CNTNAP2: variants seen among roughly 807,000 people sequenced by gnomAD.
CNTNAP2 encodes contactin-associated protein-like 2.
Under a neutral mutation model 155.2 loss-of-function variants are expected in CNTNAP2, and 98 were observed. The ratio of observed to expected loss-of-function variants is 0.63; its 90% confidence interval spans 0.54 to 0.75. The LOEUF is 0.75. Ranked by LOEUF, CNTNAP2 falls within the 30% of genes least tolerant of loss-of-function variation. CNTNAP2 has a pLI of 0.00. For synonymous variants in CNTNAP2, 651 were observed against 631.2 expected (o/e 1.03, Z -0.47); for missense variants, 1,727 against 1,688.1 (o/e 1.02, Z -0.40).
intron 3 of CNTNAP2, among the ~76,000 whole-genome samples, chr7:146,989,872 G>T (rs1798178810): frequency 6.6e-6 from 1 of 151,674 alleles, no homozygotes; most frequent in South Asian, 2.1e-4. Context: ...TATAGGTGTT[G>T]TCACCCCAAT....
intron 17 of CNTNAP2, among the ~76,000 whole-genome samples, chr7:148,167,283 G>A (rs981747262): frequency 2.0e-5 from 3 of 152,088 alleles, no homozygotes; most frequent in South Asian, 2.1e-4. Context: ...GGGATTACAG[G>A]TGCATGCCAC....
At chr7:146,263,988 A>G (rs981143147) in intron 1 of CNTNAP2, among the ~76,000 whole-genome samples, 1 of 152,224 alleles carries the variant, frequency 6.6e-6, no homozygotes, top group Non-Finnish European at 1.5e-5. Context: ...TCTTTGACTT[A>G]AAGACTGTGT....
intron 1 of CNTNAP2, among the ~76,000 whole-genome samples, chr7:146,641,003 T>C (rs1799695767): frequency 6.6e-6 from 1 of 152,000 alleles, no homozygotes; most frequent in African/African-American, 2.4e-5. Flanking sequence ...AAATAAGGTA[T>C]AGCAGCCTTC....
chr7:147,947,431 A>G (rs1800839577), intron 14 of CNTNAP2, among the ~76,000 whole-genome samples: 1 of 139,998 alleles, frequency 7.1e-6, no homozygotes, highest in African/African-American at 2.6e-5. Context: ...CACCCTGGCC[A>G]ACATAGGGAG....
chr7:146,466,741 G>C (rs756570029), intron 1 of CNTNAP2, among the ~76,000 whole-genome samples: 1 of 152,164 alleles, frequency 6.6e-6, no homozygotes, highest in Non-Finnish European at 1.5e-5. Flanking sequence ...TCATTGAAAA[G>C]CCTGATTAGG....
intron 13 of CNTNAP2, among the ~76,000 whole-genome samples, chr7:147,749,949 T>C (rs1797107986): frequency 6.6e-6 from 1 of 152,260 alleles, no homozygotes; most frequent in African/African-American, 2.4e-5. Flanking sequence ...ATATTTGATA[T>C]TTATCAATGA....
intron 2 of CNTNAP2, among the ~76,000 whole-genome samples, chr7:146,834,086 T>G (rs1406928073): frequency 6.6e-6 from 1 of 152,136 alleles, no homozygotes; most frequent in Admixed American, 6.5e-5. Context: ...ATTGAATTTT[T>G]TTTTCACCTT....
chr7:147,485,583 A>C lies in CNTNAP2; in HGVS notation c.1671-352A>C, dbSNP rs1798495791. 3.9e-5 allele frequency among the ~76,000 whole-genome samples: 6 copies of C among 152,334 alleles called. No homozygotes were observed. The South Asian group carries it at 1.2e-3, about 32-fold the overall frequency. ...CAAAGAATAGAATAAAACAAGAAAT[A>C]AGACAGCTTATCTTCGATCTTTCAC... On this transcript the variant is annotated intron_variant, in intron 10 of 23. Transcript: ENST00000361727.
chr7:146,567,186 G>A (rs1360610494), intron 1 of CNTNAP2, among the ~76,000 whole-genome samples: 2 of 152,128 alleles, frequency 1.3e-5, no homozygotes, highest in Non-Finnish European at 2.9e-5. Context: ...TGATAAGAAT[G>A]TGTCAGGAAT....
rs551199993 is a variant in CNTNAP2 at position 147,041,548 on chromosome 7, T to C, written c.403-2359T>C. Among the ~76,000 whole-genome samples, 129 of 152,186 alleles carry C rather than the reference T, an allele frequency of 8.5e-4. 1 individual carries two copies. The highest frequency in any genetic ancestry group is 7.9e-3 in the South Asian group (38 of 4,822). Reference sequence around the variant, plus strand: ...TTTCAAACACCACTCTGTCCTTCTATGCAGCTGAGCTCTAACTCTGTAGAA... The same window carrying C: ...TTTCAAACACCACTCTGTCCTTCTACGCAGCTGAGCTCTAACTCTGTAGAA... On this transcript the variant is annotated intron_variant, in intron 3 of 23. Transcript: ENST00000361727.
chr7:147,764,522 G>A (rs1169889092), intron 13 of CNTNAP2, among the ~76,000 whole-genome samples: 2 of 152,170 alleles, frequency 1.3e-5, no homozygotes, highest in South Asian at 2.1e-4. Context: ...CCTAGTGGAA[G>A]GCAAAGGGTG....
intron 1 of CNTNAP2, among the ~76,000 whole-genome samples, chr7:146,590,596 A>G (rs1798766828): frequency 6.6e-6 from 1 of 152,224 alleles, no homozygotes. Flanking sequence ...TTTGAGTGCC[A>G]CCATGACATC....
intron 1 of CNTNAP2, among the ~76,000 whole-genome samples, chr7:146,730,640 A>G (rs979717685): frequency 5.9e-5 from 9 of 152,140 alleles, no homozygotes; most frequent in Non-Finnish European, 1.5e-5. Flanking sequence ...CGCAACATAT[A>G]TATACAAGGA....
chr7:147,332,543 GA>G (rs561711876), intron 9 of CNTNAP2, among the ~76,000 whole-genome samples: 2 of 151,548 alleles, frequency 1.3e-5, no homozygotes, highest in African/African-American at 2.4e-5. Flanking sequence ...GAAAATAGCT[GA>G]AAAAAAAGAG....
At chr7:148,283,302 AGAAAGGAAGGAAGGAAG>A (rs1563024754) in intron 21 of CNTNAP2, among the ~76,000 whole-genome samples, 7 of 99,880 alleles carry the variant, frequency 7.0e-5, no homozygotes, top group East Asian at 2.1e-4. Context: ...AAAGAAAGAA[AGAAAGGAAGGAAGGAAG>A]GAAAGAAAGA....
chr7:147,950,507 T>C (rs1261941363), intron 14 of CNTNAP2, among the ~76,000 whole-genome samples: 1 of 151,956 alleles, frequency 6.6e-6, no homozygotes, highest in Non-Finnish European at 1.5e-5. Flanking sequence ...TAATGTGCTC[T>C]ACTGTTATAA....
intron 11 of CNTNAP2, among the ~76,000 whole-genome samples, chr7:147,493,707 C>T (rs1470601637): frequency 6.6e-6 from 1 of 152,150 alleles, no homozygotes; most frequent in Non-Finnish European, 1.5e-5. Context: ...ATTCTTACCT[C>T]TTAGAATCTA....
intron 1 of CNTNAP2, among the ~76,000 whole-genome samples, chr7:146,644,692 A>T (rs1799778471): frequency 6.6e-6 from 1 of 152,198 alleles, no homozygotes; most frequent in Admixed American, 6.5e-5. Context: ...ATCAGAGAAT[A>T]CTACAAACAC....
chr7:146,277,351 T>C (rs1041171029), intron 1 of CNTNAP2, among the ~76,000 whole-genome samples: 2 of 152,120 alleles, frequency 1.3e-5, no homozygotes, highest in African/African-American at 4.8e-5. Context: ...AGAAGAAATA[T>C]ATAGGAGTAA....
Sources: gnomAD v4.1 joint callset for allele counts (sites outside exome capture counted in the v4.1 genomes callset) on GRCh38, gnomAD v4.1.1 for gene constraint, MANE v1.5 for transcripts, NCBI Gene and HGNC (gene_info 2026-07-23, HGNC 2026-07-21) for gene names.